Variants in PKHD1 observed in about 807,000 individuals in gnomAD.
PKHD1 encodes the protein fibrocystin.
In PKHD1, 291 loss-of-function variants were observed where a neutral mutation model predicts 412.0. The observed-to-expected ratio is 0.71, with a 90% CI of 0.64 to 0.78. The LOEUF is 0.78. Among genes scored for constraint, PKHD1 ranks in the 30% least tolerant of loss-of-function variants. The probability of loss-of-function intolerance (pLI) is 0.00; values close to 1 mark genes in which losing one functional copy is unlikely to be tolerated. For synonymous variants in PKHD1, 1,777 were observed against 1,821.5 expected (o/e 0.98, Z 0.62); for missense variants, 4,825 against 4,950.7 (o/e 0.97, Z 0.76).
chr6:52,051,913 C>T (rs1007580546), intron 21 of PKHD1, among the ~76,000 whole-genome samples: 8 of 135,718 alleles, frequency 5.9e-5, no homozygotes, highest in Admixed American at 3.2e-4. Context: ...TGCCAGAGCA[C>T]AAACAGGTTT....
chr6:51,650,926 TG>T (rs1353802351), intron 61 of PKHD1, among the ~76,000 whole-genome samples: 1 of 152,182 alleles, frequency 6.6e-6, no homozygotes, highest in African/African-American at 2.4e-5. Context: ...TCTATCCTTC[TG>T]TGGGTTCCAG....
intron 46 of PKHD1, among the ~76,000 whole-genome samples, chr6:51,881,341 G>C (rs1455890703): frequency 6.6e-6 from 1 of 152,014 alleles, no homozygotes; most frequent in Non-Finnish European, 1.5e-5. Flanking sequence ...TTACTTTTCT[G>C]TGACAAGAGC....
intron 33 of PKHD1, among the ~76,000 whole-genome samples, chr6:52,020,922 A>G (rs1019752959): frequency 5.3e-5 from 8 of 152,146 alleles, no homozygotes; most frequent in Non-Finnish European, 1.0e-4. Flanking sequence ...GGGAAAAAAA[A>G]AAAATACACA....
intron 60 of PKHD1, among the ~76,000 whole-genome samples, chr6:51,735,955 A>C (rs1479622156): frequency 6.6e-6 from 1 of 152,116 alleles, no homozygotes; most frequent in Non-Finnish European, 1.5e-5. Flanking sequence ...AATAAAAATA[A>C]AAACACAGTT....
At chr6:51,878,775 A>C (rs1776935841) in intron 46 of PKHD1, among the ~76,000 whole-genome samples, 1 of 32,004 alleles carries the variant, frequency 3.1e-5, no homozygotes, top group Non-Finnish European at 5.1e-5. Context: ...GCAATCAGGC[A>C]GGAGAAGGAA....
rs1016744497 is a variant in PKHD1 at position 51,642,568 on chromosome 6, G to A, written c.11399-3612C>T. On this transcript the variant is annotated intron_variant, in intron 63 of 66. Coordinates refer to ENST00000371117, the MANE Select transcript of PKHD1 (RefSeq NM_138694.4). ...TATAAGTAAGGGATGGGCTGGGCAC[G>A]GTGGCTCACACCTGTAATCCCGACA... Among the ~76,000 whole-genome samples, 5 of 152,216 alleles carry A rather than the reference G, an allele frequency of 3.3e-5. No individual in the cohort carries two copies. The East Asian group carries it at 5.8e-4, about 18-fold the overall frequency.
At chr6:51,641,366 C>T (rs1769322290) in intron 63 of PKHD1, among the ~76,000 whole-genome samples, 1 of 152,180 alleles carries the variant, frequency 6.6e-6, no homozygotes, top group African/African-American at 2.4e-5. Context: ...TCTCATCTCA[C>T]ACCAGTTAGA....
chr6:51,885,743 T>C (rs1214707661), intron 45 of PKHD1, 124 bp downstream of exon 45: 1 of 730,340 alleles, frequency 1.4e-6, no homozygotes. Context: ...AGCACAGCAA[T>C]GCTCCCCTCA....
chr6:51,828,325 G>T (rs78749068), intron 52 of PKHD1, among the ~76,000 whole-genome samples: 8,624 of 152,014 alleles, frequency 0.057, 277 homozygotes, highest in Non-Finnish European at 0.08. Flanking sequence ...TTTTTCATCT[G>T]TAAAAACAGG....
At chr6:51,733,256 A>G (rs1783437876) in intron 60 of PKHD1, among the ~76,000 whole-genome samples, 1 of 152,118 alleles carries the variant, frequency 6.6e-6, no homozygotes, top group Non-Finnish European at 1.5e-5. Flanking sequence ...AATGGTTAAG[A>G]TGGGCCAGGC....
intron 49 of PKHD1, among the ~76,000 whole-genome samples, chr6:51,852,503 T>G (rs752821130): frequency 5.3e-5 from 8 of 152,180 alleles, no homozygotes. Flanking sequence ...CAGTGGGGTA[T>G]TAAAGTCTCC....
intron 49 of PKHD1, among the ~76,000 whole-genome samples, chr6:51,850,666 G>C (rs1772049944): frequency 6.6e-6 from 1 of 152,122 alleles, no homozygotes; most frequent in Non-Finnish European, 1.5e-5. Context: ...TTGTGAATAG[G>C]AGTTCATTCA....
In PKHD1 at chr6:51,936,295, A is replaced by C. The variant is rs147986670; in HGVS notation, c.5909-1973T>G. Among the ~76,000 whole-genome samples the C allele has an allele frequency of 2.6e-5, 4 of 152,310 alleles. No homozygotes were observed. In the East Asian group the frequency reaches 7.7e-4, roughly 29 times the overall value. ...ATGTTGTTCTTACACTTAATTTATA[A>C]GCCTACATAGTGTCTCAATGAGCAA... is the stretch of plus-strand genomic sequence containing the variant. On this transcript the variant is annotated intron_variant, in intron 36 of 66. Coordinates refer to ENST00000371117, the MANE Select transcript of PKHD1 (RefSeq NM_138694.4).
intron 27 of PKHD1, among the ~76,000 whole-genome samples, chr6:52,038,207 C>T (rs1255838177): frequency 6.6e-6 from 1 of 152,042 alleles, no homozygotes. Context: ...TGGTGAAACC[C>T]TGTCTCTACT....
chr6:51,921,783 C>G (rs909347126), intron 37 of PKHD1, among the ~76,000 whole-genome samples: 4 of 152,298 alleles, frequency 2.6e-5, no homozygotes, highest in Non-Finnish European at 4.4e-5. Context: ...TCCATCAGGT[C>G]ATCTAAGGTC....
At position 52,053,075 on chromosome 6, in the gene PKHD1, C is replaced by T. The variant is rs1554213853; in HGVS notation, c.2140+1G>A. On this transcript the variant is annotated splice_donor_variant, in intron 21 of 66. Coordinates refer to ENST00000371117, the MANE Select transcript of PKHD1 (RefSeq NM_138694.4). LOFTEE classifies it high-confidence loss of function. ...TGGAGGAGAGAGAATTTGATGATTACCTGTTACGTTTGTGTCTGCAATAAT... is the reference window on the plus strand; with the variant it reads ...TGGAGGAGAGAGAATTTGATGATTATCTGTTACGTTTGTGTCTGCAATAAT... 6.2e-7 allele frequency: 1 copy of T among 1,613,700 alleles called. No homozygotes were observed. The highest frequency in any genetic ancestry group is 8.5e-7 in the Non-Finnish European group (1 of 1,179,764).
chr6:52,079,919 C>T lies in PKHD1; in HGVS notation c.371G>A (p.Arg124Gln), dbSNP rs764940559. The change falls in exon 5 of 67, where the codon CGA becomes CAA. Residue 124 changes from arginine to glutamine, a missense_variant. Transcript: ENST00000371117. Reference sequence around the variant, plus strand: ...ACCCACCTTGAAAGTACAGCTATCTCGTGGTCCTGGATTTGGACTGCTTAC... The same window carrying T: ...ACCCACCTTGAAAGTACAGCTATCTTGTGGTCCTGGATTTGGACTGCTTAC... ...QLVSSPNPGP[R>Q]DSCTFKFSKA... The T allele has an allele frequency of 1.3e-5, 20 of 1,595,746 alleles. No individual in the cohort carries two copies. The highest frequency in any genetic ancestry group is 4.0e-5 in the African/African-American group (3 of 74,534).
At position 51,882,023 on chromosome 6, in the gene PKHD1, T is replaced by C. The variant is rs1467752906; in HGVS notation, c.7350+1070A>G. ...ATTTTTGTCACTTTCCCATTAATTA[T>C]GATGTCTATTTAACATCAATTAAGA... On this transcript the variant is annotated intron_variant, in intron 46 of 66. Coordinates refer to ENST00000371117, the MANE Select transcript of PKHD1 (RefSeq NM_138694.4). Among the ~76,000 whole-genome samples, 10 of 152,350 alleles carry C rather than the reference T, an allele frequency of 6.6e-5. No individual in the cohort carries two copies. The East Asian group carries it at 1.9e-3, about 29-fold the overall frequency.
chr6:51,856,078 G>A lies in PKHD1; in HGVS notation c.7734-8C>T. ...ACTTCAGGAGTATTCGCTCTAAGGT[G>A]ATTTTAAAAGGAAAAAAAATGGGTT... On this transcript the variant is annotated splice_polypyrimidine_tract_variant and splice_region_variant and intron_variant, in intron 48 of 66. Coordinates refer to ENST00000371117, the MANE Select transcript of PKHD1 (RefSeq NM_138694.4). 6.4e-7 allele frequency: 1 copy of A among 1,555,332 alleles called. No homozygotes were observed. Among genetic ancestry groups the A allele is most frequent in the Non-Finnish European group, 8.9e-7 (1 of 1,128,184 alleles).
Sources: gnomAD v4.1 joint callset for allele counts (sites outside exome capture counted in the v4.1 genomes callset) on GRCh38, gnomAD v4.1.1 for gene constraint, MANE v1.5 for transcripts, NCBI Gene and HGNC (gene_info 2026-07-23, HGNC 2026-07-21) for gene names.